Variants in FAH observed in about 807,000 individuals in gnomAD.
The protein encoded by FAH is fumarylacetoacetate hydrolase, also known as fumarylacetoacetase.
In FAH, 47 loss-of-function variants were observed where a neutral mutation model predicts 55.8. The ratio of observed to expected loss-of-function variants is 0.84; its 90% CI spans 0.67 to 1.07. The LOEUF (loss-of-function observed/expected upper bound fraction) is 1.07. Ranked by LOEUF, FAH falls within the 50% of genes least tolerant of loss-of-function variation. The pLI is 0.00. For missense variants in FAH, 495 were observed against 545.9 expected (o/e 0.91, Z 0.93); for synonymous variants, 199 against 207.7 (o/e 0.96, Z 0.36).
At chr15:80,153,244 C>T in intron 1 of FAH, 109 bp downstream of exon 1, 1 of 882,172 alleles carries the variant, frequency 1.1e-6, no homozygotes, top group Non-Finnish European at 1.8e-6. Context: ...GGGATGGAGG[C>T]TTGTGCCATT....
chr15:80,177,366 G>A (rs899481732), intron 10 of FAH, 171 bp from the exon 11 acceptor site: 4 of 659,792 alleles, frequency 6.1e-6, no homozygotes, highest in Non-Finnish European at 1.1e-5. Context: ...GCATGTATTG[G>A]CCAACCCTGG....
chr15:80,179,363 T>C (rs1439258434), intron 11 of FAH, among the ~76,000 whole-genome samples: 1 of 152,236 alleles, frequency 6.6e-6, no homozygotes, highest in African/African-American at 2.4e-5. Flanking sequence ...TCTAATTTAA[T>C]ATTATTCTGG....
At chr15:80,158,751 CTG>C (rs1203822230) in intron 2 of FAH, among the ~76,000 whole-genome samples, 2 of 152,244 alleles carry the variant, frequency 1.3e-5, no homozygotes, top group African/African-American at 4.8e-5. Context: ...TTCAATCCTC[CTG>C]ACCACCCTCT....
At chr15:80,155,543 G>A (rs1298259675) in intron 1 of FAH, among the ~76,000 whole-genome samples, 3 of 152,210 alleles carry the variant, frequency 2.0e-5, no homozygotes, top group Admixed American at 1.3e-4. Context: ...AGCCCTACGG[G>A]GCTTAGCGGG....
chr15:80,173,217 A>G, intron 9 of FAH, 73 bp downstream of exon 9: 1 of 1,583,554 alleles, frequency 6.3e-7, no homozygotes, highest in Non-Finnish European at 8.7e-7. Context: ...CACTGAGTGG[A>G]CATGCCAGGC....
rs2041327998 is a variant in FAH at position 80,181,145 on chromosome 15, A to G, written c.1166A>G (p.Glu389Gly). ...QTRKFLLDGD[E>G]VIITGYCQGD... Reference sequence around the variant, plus strand: ...AGGAAGTTTCTGCTGGACGGGGATGAAGTCATCATAACAGGTGAGGGCTGC... The same window carrying G: ...AGGAAGTTTCTGCTGGACGGGGATGGAGTCATCATAACAGGTGAGGGCTGC... Residue 389 changes from glutamate (E) to glycine (G), a missense_variant, in exon 13 of 14, where the codon GAA becomes GGA. Transcript: ENST00000561421. 1 of 1,612,092 alleles carries G rather than the reference A, an allele frequency of 6.2e-7. No individual in the cohort carries two copies. The highest frequency in any genetic ancestry group is 1.1e-5 in the South Asian group (1 of 91,030).
chr15:80,162,554 T>C, intron 5 of FAH: 1 of 603,290 alleles, frequency 1.7e-6, no homozygotes, highest in Non-Finnish European at 3.0e-6. Flanking sequence ...TCCCTTAAAC[T>C]TCCTTGGACA....
At chr15:80,181,636 A>G (rs2041332230) in intron 13 of FAH, among the ~76,000 whole-genome samples, 2 of 152,136 alleles carry the variant, frequency 1.3e-5, no homozygotes, top group African/African-American at 4.8e-5. Flanking sequence ...GGTTAGCAGC[A>G]CACTCTTTAG....
intron 5 of FAH, among the ~76,000 whole-genome samples, chr15:80,167,651 C>T (rs1394167821): frequency 6.6e-6 from 1 of 151,854 alleles, no homozygotes; most frequent in African/African-American, 2.4e-5. Context: ...TCTGCCTCAG[C>T]CTCCCGAGTA....
At chr15:80,157,548 A>G (rs146721084) in intron 1 of FAH, 2 of 192,592 alleles carry the variant, frequency 1.0e-5, no homozygotes, top group African/African-American at 2.3e-5. Flanking sequence ...CAGCTCCCTT[A>G]CAACCCGAGC....
At chr15:80,161,400 C>G (rs2041147677) in intron 4 of FAH, among the ~76,000 whole-genome samples, 1 of 151,388 alleles carries the variant, frequency 6.6e-6, no homozygotes, top group Non-Finnish European at 1.5e-5. Flanking sequence ...TCTTCCTCTC[C>G]TCACCCTTCA....
intron 5 of FAH, 140 bp from the exon 6 acceptor site, chr15:80,167,912 A>G: frequency 1.4e-6 from 1 of 706,154 alleles, no homozygotes; most frequent in Non-Finnish European, 2.6e-6. Flanking sequence ...TCATCTGTGG[A>G]TGGAAACTTG....
intron 5 of FAH, 140 bp downstream of exon 5, chr15:80,162,476 G>A: frequency 2.6e-6 from 2 of 765,130 alleles, no homozygotes; most frequent in South Asian, 2.9e-5. Flanking sequence ...ACCTCTGGAA[G>A]CAGTGGTCTC....
At position 80,153,008 on chromosome 15, in the gene FAH, C is replaced by T. The variant is rs2142086749; in HGVS notation, c.-47C>T. 5 of 1,563,120 alleles carry T rather than the reference C, an allele frequency of 3.2e-6. No individual in the cohort carries two copies. The highest frequency in any genetic ancestry group is 1.3e-5 in the African/African-American group (1 of 74,184). On this transcript the variant is annotated 5_prime_UTR_variant, in exon 1 of 14. Transcript: ENST00000561421. ...CACAGCGGCCGAGTTCAGTCCTGCT[C>T]TCCGCACGCCACCTTAGGCCCGCAG...
At chr15:80,173,890 A>G (rs2142102375) in intron 9 of FAH, 1 of 156,180 alleles carries the variant, frequency 6.4e-6, no homozygotes, top group South Asian at 2.0e-4. Flanking sequence ...GCTCCCAGCC[A>G]TTTGCACATC....
At chr15:80,158,517 TGGGCCC>T (rs1270321947) in intron 2 of FAH, among the ~76,000 whole-genome samples, 2 of 152,194 alleles carry the variant, frequency 1.3e-5, no homozygotes, top group Non-Finnish European at 2.9e-5. Context: ...AAGGGCTGTG[TGGGCCC>T]CCAAGGGAGG....
rs780697196 is a variant in FAH, at chr15:80,181,078, TG to T, written c.1101del (p.Trp367Ter). 1 of 1,613,874 alleles carries T rather than the reference TG, an allele frequency of 6.2e-7. No homozygotes were observed. Among genetic ancestry groups the T allele is most frequent in the Non-Finnish European group, 8.5e-7 (1 of 1,179,836 alleles). On this transcript the variant is annotated frameshift_variant, in exon 13 of 14. Coordinates refer to ENST00000561421, the MANE Select transcript of FAH (RefSeq NM_000137.4). LOFTEE classifies it high-confidence loss of function. Reference sequence around the variant, plus strand: ...CTTCGGCTCCATGTTGGAACTGTCGTGGAAGGGAACGAAGCCCATAGACCTG... The same window carrying T: ...CTTCGGCTCCATGTTGGAACTGTCGTGAAGGGAACGAAGCCCATAGACCTG... ...ENFGSMLELS[W>X]KGTKPIDLGN...
At position 80,162,321 on chromosome 15, in the gene FAH, C is replaced by T. The variant is rs755234891; in HGVS notation, c.440C>T (p.Ala147Val). 7 of 1,613,712 alleles carry T rather than the reference C, an allele frequency of 4.3e-6. No homozygotes were observed. The South Asian group carries it at 4.4e-5, about 10-fold the overall frequency. ...ATCATGTTCAGGGACAAGGAGAATG[C>T]GTTGATGCCAAATTGGTATGAACTG... ...VGIMFRDKEN[A>V]LMPNWLHLPV... The change falls in exon 5 of 14, where the codon GCG becomes GTG. Residue 147 changes from alanine (A) to valine (V), a missense_variant. Transcript: ENST00000561421.
intron 11 of FAH, 84 bp from the exon 12 acceptor site, chr15:80,180,040 G>T: frequency 9.9e-7 from 1 of 1,009,434 alleles, no homozygotes; most frequent in Non-Finnish European, 1.5e-6. Context: ...GCGGTCGTGA[G>T]CAGGGCAGGC....
Sources: gnomAD v4.1 joint callset for allele counts (sites outside exome capture counted in the v4.1 genomes callset) on GRCh38, gnomAD v4.1.1 for gene constraint, MANE v1.5 for transcripts, NCBI Gene and HGNC (gene_info 2026-07-23, HGNC 2026-07-21) for gene names.